The following MYO3B variants were observed in gnomAD, a reference collection of about 807,000 sequenced individuals.
The protein encoded by MYO3B is myosin IIIB.
Under a neutral mutation model 174.6 loss-of-function variants are expected in MYO3B, and 156 were observed. That is an observed-to-expected ratio of 0.89 (90% CI 0.78 to 1.02). The LOEUF (loss-of-function observed/expected upper bound fraction) is 1.02. MYO3B is among the 50% of genes least tolerant of loss of function. The pLI is 0.00. For synonymous variants in MYO3B, 563 were observed against 569.1 expected (o/e 0.99, Z 0.15); for missense variants, 1,632 against 1,639.4 (o/e 1.00, Z 0.08).
At chr2:170,180,314 T>C (rs1348505357) in intron 1 of MYO3B, 2 of 257,194 alleles carry the variant, frequency 7.8e-6, no homozygotes, top group East Asian at 2.2e-4. Flanking sequence ...GAGGGGCTGC[T>C]TGGAAGAATG....
chr2:170,636,983 T>TGC, intron 32 of MYO3B, among the ~76,000 whole-genome samples: 1 of 151,834 alleles, frequency 6.6e-6, no homozygotes, highest in Non-Finnish European at 1.5e-5. Flanking sequence ...TGTGTGTGTG[T>TGC]GTGTGTAGGC....
chr2:170,470,485 T>C (rs546505444), intron 25 of MYO3B, among the ~76,000 whole-genome samples: 40 of 152,250 alleles, frequency 2.6e-4, no homozygotes, highest in Non-Finnish European at 5.1e-4. Flanking sequence ...TATATCATGT[T>C]TTGCTTGCTC....
intron 22 of MYO3B, among the ~76,000 whole-genome samples, chr2:170,438,425 A>AG (rs2094772632): frequency 1.4e-5 from 2 of 145,294 alleles, no homozygotes; most frequent in Admixed American, 6.7e-5. Context: ...CTTGTTTTCA[A>AG]TTCTTTTAGG....
At chr2:170,497,392 G>A (rs575409330) in intron 25 of MYO3B, among the ~76,000 whole-genome samples, 23 of 152,324 alleles carry the variant, frequency 1.5e-4, no homozygotes, top group African/African-American at 5.1e-4. Flanking sequence ...CAAGGCGGGT[G>A]GATCACGAGG....
At chr2:170,227,866 G>A (rs984416172) in intron 6 of MYO3B, among the ~76,000 whole-genome samples, 1 of 152,072 alleles carries the variant, frequency 6.6e-6, no homozygotes, top group African/African-American at 2.4e-5. Flanking sequence ...TCCCCTACTA[G>A]CTGTGGCCTT....
chr2:170,545,191 C>T (rs1039846334), intron 32 of MYO3B, among the ~76,000 whole-genome samples: 6 of 152,160 alleles, frequency 3.9e-5, no homozygotes, highest in Non-Finnish European at 8.8e-5. Context: ...CTTTGAAGTA[C>T]GGTTGAATAG....
intron 3 of MYO3B, among the ~76,000 whole-genome samples, chr2:170,201,943 T>C (rs926019592): frequency 2.2e-4 from 33 of 152,130 alleles, no homozygotes; most frequent in African/African-American, 7.5e-4. Context: ...ATATCAGACA[T>C]AGAGAACTGA....
At chr2:170,457,904 A>G (rs1683999412) in intron 23 of MYO3B, among the ~76,000 whole-genome samples, 1 of 152,136 alleles carries the variant, frequency 6.6e-6, no homozygotes, top group South Asian at 2.1e-4. Flanking sequence ...ACAGGTGCCC[A>G]CCACTACGCC....
intron 8 of MYO3B, chr2:170,343,896 A>G (rs1364109792): frequency 6.6e-6 from 1 of 152,258 alleles, no homozygotes; most frequent in African/African-American, 2.4e-5. Context: ...GATTAAGATC[A>G]AGTCTGTATG....
intron 1 of MYO3B, among the ~76,000 whole-genome samples, chr2:170,193,969 G>T (rs2092570617): frequency 6.6e-6 from 1 of 151,846 alleles, no homozygotes; most frequent in African/African-American, 2.4e-5. Context: ...TTTCCCTTTT[G>T]TAAACATACT....
intron 22 of MYO3B, among the ~76,000 whole-genome samples, chr2:170,430,008 A>AG (rs1189831326): frequency 8.5e-6 from 1 of 117,352 alleles, no homozygotes; most frequent in Admixed American, 8.4e-5. Flanking sequence ...ACTTATACAC[A>AG]GGTTTTTTTT....
At chr2:170,388,453 G>C (rs2094391102) in intron 14 of MYO3B, among the ~76,000 whole-genome samples, 1 of 152,138 alleles carries the variant, frequency 6.6e-6, no homozygotes, top group African/African-American at 2.4e-5. Flanking sequence ...ACGAGGTGGG[G>C]ACCAGAGCAA....
intron 32 of MYO3B, among the ~76,000 whole-genome samples, chr2:170,627,850 G>C (rs1696590953): frequency 6.6e-6 from 1 of 152,188 alleles, no homozygotes; most frequent in Non-Finnish European, 1.5e-5. Flanking sequence ...CACCAGCGGA[G>C]GGTGTAGATC....
intron 9 of MYO3B, among the ~76,000 whole-genome samples, chr2:170,377,585 C>T (rs545324836): frequency 6.6e-6 from 1 of 152,140 alleles, no homozygotes; most frequent in Non-Finnish European, 1.5e-5. Flanking sequence ...GCCCGTCCTG[C>T]TCTCCACAGT....
chr2:170,401,600 C>T lies in MYO3B; in HGVS notation c.2038C>T (p.Arg680Ter), dbSNP rs775008494. The change falls in exon 18 of 35, where the codon CGA becomes TGA. Residue 680 changes from arginine (R) to a stop codon, truncating the protein, a stop_gained. Coordinates refer to ENST00000408978, the MANE Select transcript of MYO3B (RefSeq NM_138995.5). LOFTEE classifies it high-confidence loss of function. ...ANTVDRAADV[R>*]DAMSKALYGR... is the part of the protein sequence containing the mutation. ...CACTGTAGACAGGGCTGCGGACGTT[C>T]GAGACGCCATGTCCAAAGCCCTGTA... 1.4e-5 allele frequency: 22 copies of T among 1,614,066 alleles called. No homozygotes were observed. Among genetic ancestry groups the T allele is most frequent in the East Asian group, 2.2e-5 (1 of 44,866 alleles).
intron 30 of MYO3B, among the ~76,000 whole-genome samples, chr2:170,541,675 C>T (rs1213449082): frequency 2.0e-5 from 3 of 152,042 alleles, no homozygotes; most frequent in Non-Finnish European, 4.4e-5. Flanking sequence ...ATTGACTAAT[C>T]ATTGTTTTAT....
chr2:170,556,297 A>G (rs538670410), intron 32 of MYO3B, among the ~76,000 whole-genome samples: 1 of 152,164 alleles, frequency 6.6e-6, no homozygotes, highest in South Asian at 2.1e-4. Flanking sequence ...TACCATAAAC[A>G]TTTGTGTTCA....
chr2:170,419,303 C>T (rs949808678), intron 22 of MYO3B, among the ~76,000 whole-genome samples: 28 of 152,128 alleles, frequency 1.8e-4, no homozygotes, highest in African/African-American at 5.8e-4. Flanking sequence ...ACAGACTGAG[C>T]GGTTTAAACA....
At chr2:170,578,793 G>A (rs1303389149) in intron 32 of MYO3B, among the ~76,000 whole-genome samples, 1 of 152,214 alleles carries the variant, frequency 6.6e-6, no homozygotes, top group African/African-American at 2.4e-5. Context: ...GCGAGGAATT[G>A]TGCTGTCCTC....
Sources: allele counts gnomAD v4.1 joint callset (sites outside exome capture counted in the v4.1 genomes callset), GRCh38; gene constraint gnomAD v4.1.1; transcripts MANE v1.5; gene names NCBI Gene and HGNC (gene_info 2026-07-23, HGNC 2026-07-21).